Variants in PCLO observed in about 807,000 individuals in gnomAD.
The protein encoded by PCLO is protein piccolo.
In PCLO, 82 loss-of-function variants were observed where a neutral mutation model predicts 427.5. That is an observed-to-expected ratio of 0.19 (90% CI 0.16 to 0.23). PCLO has a LOEUF of 0.23. Ranked by LOEUF, PCLO falls within the 10% of genes least tolerant of loss-of-function variation. PCLO has a pLI of 1.00. For synonymous variants in PCLO, 2,357 were observed against 2,155.4 expected, an observed-to-expected ratio of 1.09 and a Z score of -2.59; for missense variants, 6,239 against 6,115.9, an observed-to-expected ratio of 1.02 and a Z score of -0.67.
chr7:83,135,936 TAAAATACA>T (rs950346158), intron 2 of PCLO, among the ~76,000 whole-genome samples: 2 of 151,622 alleles, frequency 1.3e-5, no homozygotes, highest in African/African-American at 2.4e-5. Flanking sequence ...CATCTCTACT[TAAAATACA>T]AAAATTAGCT....
chr7:82,766,021 G>A (rs976968290), intron 22 of PCLO, among the ~76,000 whole-genome samples: 1 of 151,980 alleles, frequency 6.6e-6, no homozygotes, highest in Non-Finnish European at 1.5e-5. Context: ...TTCTGGTAAG[G>A]TACAAGTCAG....
intron 22 of PCLO, among the ~76,000 whole-genome samples, chr7:82,790,154 C>A (rs1450676556): frequency 2.6e-5 from 4 of 152,092 alleles, no homozygotes; most frequent in African/African-American, 9.7e-5. Context: ...TGAATTGCCT[C>A]CAAACGAGTC....
At chr7:82,884,055 C>A (rs1461872992) in intron 9 of PCLO, among the ~76,000 whole-genome samples, 1 of 152,166 alleles carries the variant, frequency 6.6e-6, no homozygotes, top group Non-Finnish European at 1.5e-5. Flanking sequence ...AGGCGTGAGC[C>A]ACCGCGCCTG....
At chr7:82,988,977 G>A (rs1287930460) in intron 3 of PCLO, among the ~76,000 whole-genome samples, 1 of 151,926 alleles carries the variant, frequency 6.6e-6, no homozygotes, top group African/African-American at 2.4e-5. Flanking sequence ...TGGGATTACA[G>A]GCATGCACCA....
chr7:82,769,601 A>T (rs1282391301), intron 22 of PCLO, among the ~76,000 whole-genome samples: 1 of 152,160 alleles, frequency 6.6e-6, no homozygotes, highest in Non-Finnish European at 1.5e-5. Context: ...AGTTTTAAGT[A>T]ACTGGAAATG....
intron 3 of PCLO, among the ~76,000 whole-genome samples, chr7:83,119,744 C>G (rs990608504): frequency 6.7e-6 from 1 of 149,884 alleles, no homozygotes. Flanking sequence ...ACCTTTCAGA[C>G]GGAGAATTCA....
intron 10 of PCLO, 107 bp from the exon 11 acceptor site, chr7:82,847,354 A>G: frequency 1.5e-5 from 9 of 618,694 alleles, no homozygotes; most frequent in Non-Finnish European, 2.5e-5. Context: ...TCAGCACACC[A>G]TTTTAGAGAA....
chr7:83,107,223 A>C (rs1790879907), intron 3 of PCLO, among the ~76,000 whole-genome samples: 1 of 152,160 alleles, frequency 6.6e-6, no homozygotes, highest in African/African-American at 2.4e-5. Flanking sequence ...AAATAAATTT[A>C]TTATAGTCTA....
intron 9 of PCLO, among the ~76,000 whole-genome samples, chr7:82,882,037 AT>A (rs1355984621): frequency 6.6e-6 from 1 of 152,158 alleles, no homozygotes; most frequent in Non-Finnish European, 1.5e-5. Context: ...CCCAGGAAAA[AT>A]AACATTTGTT....
intron 3 of PCLO, among the ~76,000 whole-genome samples, chr7:83,100,248 GT>G (rs1257556162): frequency 6.6e-6 from 1 of 152,182 alleles, no homozygotes; most frequent in African/African-American, 2.4e-5. Context: ...GGAAGTCAGT[GT>G]GGCAATTCCT....
chr7:82,897,062 CT>C (rs998854371), intron 9 of PCLO, among the ~76,000 whole-genome samples: 4 of 151,170 alleles, frequency 2.6e-5, no homozygotes, highest in Admixed American at 2.0e-4. Context: ...ACATTTTGTT[CT>C]TTTTTTTCTG....
intron 3 of PCLO, among the ~76,000 whole-genome samples, chr7:83,019,993 G>T (rs1034631231): frequency 6.6e-6 from 1 of 152,112 alleles, no homozygotes; most frequent in African/African-American, 2.4e-5. Flanking sequence ...AGAAGTAAGA[G>T]TCTAAATGAT....
intron 4 of PCLO, among the ~76,000 whole-genome samples, chr7:82,958,101 TA>T (rs1367496598): frequency 6.6e-6 from 1 of 152,176 alleles, no homozygotes; most frequent in Non-Finnish European, 1.5e-5. Context: ...AAGGAGGGGT[TA>T]GGGGAACAGC....
chr7:83,030,078 A>G (rs193984), intron 3 of PCLO, among the ~76,000 whole-genome samples: 33,073 of 145,968 alleles, frequency 0.23, 4,506 homozygotes, highest in Middle Eastern at 0.36. Context: ...AATCCGCACA[A>G]TGTGCACATG....
At chr7:82,854,099 C>CT (rs1253690579) in intron 10 of PCLO, among the ~76,000 whole-genome samples, 2 of 151,980 alleles carry the variant, frequency 1.3e-5, no homozygotes, top group Non-Finnish European at 2.9e-5. Context: ...TCTAATTTTT[C>CT]TTTTTTGCAC....
chr7:82,953,879 A>G lies in PCLO; in HGVS notation c.7074T>C (p.Thr2358=). Residue 2358 remains threonine (T), a synonymous_variant, in exon 5 of 25, where the codon ACT becomes ACC. Coordinates refer to ENST00000333891, the MANE Select transcript of PCLO (RefSeq NM_033026.6). Reference sequence around the variant, plus strand: ...AGGTCTCTCCAGATGTAAAGTATGTAGTTGAAAGCTGCTCTTTCATTGGAA... The same window carrying G: ...AGGTCTCTCCAGATGTAAAGTATGTGGTTGAAAGCTGCTCTTTCATTGGAA... ...IALPMKEQLS[T]TYFTSGETFG... The G allele has an allele frequency of 6.2e-7, 1 of 1,613,842 alleles. No homozygotes were observed. Among genetic ancestry groups the G allele is most frequent in the South Asian group, 1.1e-5 (1 of 91,070 alleles).
chr7:83,160,926 T>A (rs6467937), intron 1 of PCLO, among the ~76,000 whole-genome samples: 1 of 152,112 alleles, frequency 6.6e-6, no homozygotes, highest in East Asian at 1.9e-4. Context: ...ACACTAAATT[T>A]TTTTTCTTGT....
At chr7:83,069,049 G>C (rs1014369913) in intron 3 of PCLO, among the ~76,000 whole-genome samples, 8 of 152,172 alleles carry the variant, frequency 5.3e-5, no homozygotes. Context: ...TGGTTACCAC[G>C]GGTTAGGGGG....
intron 3 of PCLO, among the ~76,000 whole-genome samples, chr7:82,995,776 A>G (rs1796481047): frequency 6.6e-6 from 1 of 151,886 alleles, no homozygotes; most frequent in Non-Finnish European, 1.5e-5. Flanking sequence ...TACTTATCTC[A>G]TTCAGTTTTG....
Sources: allele counts gnomAD v4.1 joint callset (sites outside exome capture counted in the v4.1 genomes callset), GRCh38; gene constraint gnomAD v4.1.1; transcripts MANE v1.5; gene names NCBI Gene and HGNC (gene_info 2026-07-23, HGNC 2026-07-21).